The following AGTPBP1 variants were observed in gnomAD, a reference collection of about 807,000 sequenced individuals.
The protein encoded by AGTPBP1 is ATP/GTP binding carboxypeptidase 1.
Under a neutral mutation model 143.9 loss-of-function variants are expected in AGTPBP1, and 70 were observed. The observed-to-expected ratio is 0.49, with a 90% confidence interval of 0.40 to 0.59. The LOEUF (loss-of-function observed/expected upper bound fraction) is 0.59, where lower values mean the gene tolerates loss of function less well. AGTPBP1 is among the 20% of genes least tolerant of loss of function. AGTPBP1 has a pLI of 0.00. For missense variants in AGTPBP1, 1,229 were observed against 1,464.5 expected (o/e 0.84, Z 2.62); for synonymous variants, 463 against 500.2 (o/e 0.93, Z 0.99).
At chr9:85,562,626 G>C (rs1395850366) in intron 25 of AGTPBP1, among the ~76,000 whole-genome samples, 1 of 152,056 alleles carries the variant, frequency 6.6e-6, no homozygotes, top group Non-Finnish European at 1.5e-5. Context: ...TTTCACCAAA[G>C]CAATGGTGTA....
intron 18 of AGTPBP1, among the ~76,000 whole-genome samples, chr9:85,594,196 C>T (rs139878896): frequency 1.9e-3 from 283 of 152,202 alleles, no homozygotes; most frequent in African/African-American, 6.4e-3. Flanking sequence ...ACCAGTGAAA[C>T]ATATATTATT....
intron 24 of AGTPBP1, 55 bp downstream of exon 24, chr9:85,578,865 A>G: frequency 1.3e-6 from 2 of 1,552,322 alleles, no homozygotes; most frequent in Non-Finnish European, 1.8e-6. Flanking sequence ...CAAGATATAT[A>G]TGAAAGGAAA....
intron 12 of AGTPBP1, among the ~76,000 whole-genome samples, chr9:85,644,605 A>G (rs1373256391): frequency 1.3e-5 from 2 of 152,046 alleles, no homozygotes; most frequent in Non-Finnish European, 2.9e-5. Flanking sequence ...ACCACTCCTT[A>G]AAAGTTCTGC....
chr9:85,668,327 C>G (rs954704802), intron 8 of AGTPBP1, among the ~76,000 whole-genome samples: 3 of 151,460 alleles, frequency 2.0e-5, no homozygotes, highest in Non-Finnish European at 4.4e-5. Context: ...AACAACAGAC[C>G]AGATTTTAGA....
At chr9:85,659,670 C>T (rs530480988) in intron 9 of AGTPBP1, among the ~76,000 whole-genome samples, 4 of 152,054 alleles carry the variant, frequency 2.6e-5, no homozygotes, top group Non-Finnish European at 4.4e-5. Context: ...AGAATTTTGG[C>T]TTTTACTAAC....
the AGTPBP1 span, chr9:85,787,822 T>G: frequency 4.6e-5 from 7 of 152,212 alleles, no homozygotes; most frequent in Non-Finnish European, 1.0e-4. Context: ...ACATGGATGC[T>G]TACTCAGAGT....
the AGTPBP1 span, chr9:85,755,936 C>T: frequency 2.4e-5 from 15 of 625,308 alleles, no homozygotes; most frequent in South Asian, 5.8e-5. Flanking sequence ...GGATCTCAGA[C>T]GGCTACCTGA....
chr9:85,695,082 T>C (rs1177734455), intron 2 of AGTPBP1, among the ~76,000 whole-genome samples: 1 of 152,132 alleles, frequency 6.6e-6, no homozygotes, highest in African/African-American at 2.4e-5. Flanking sequence ...TGGTGCCCAA[T>C]AACCCATTTC....
At chr9:85,702,303 T>C (rs1043256692) in intron 2 of AGTPBP1, among the ~76,000 whole-genome samples, 1 of 152,226 alleles carries the variant, frequency 6.6e-6, no homozygotes, top group Non-Finnish European at 1.5e-5. Flanking sequence ...TCTAACCTTT[T>C]ATCTCCAATC....
At chr9:85,625,924 T>TTA (rs1485490313) in intron 14 of AGTPBP1, among the ~76,000 whole-genome samples, 3 of 148,638 alleles carry the variant, frequency 2.0e-5, no homozygotes, top group African/African-American at 7.4e-5. Context: ...TTTTTTTTTT[T>TTA]AGGATATATG....
intron 23 of AGTPBP1, among the ~76,000 whole-genome samples, chr9:85,579,598 T>C (rs886979869): frequency 6.8e-6 from 1 of 147,776 alleles, no homozygotes; most frequent in Non-Finnish European, 1.5e-5. Context: ...TGTGTGTGTG[T>C]GTGGGGCGAG....
At position 85,579,063 on chromosome 9, in the gene AGTPBP1, C is replaced by A; in HGVS notation, c.3199G>T (p.Ala1067Ser). The A allele has an allele frequency of 6.2e-7, 1 of 1,610,486 alleles. No individual in the cohort carries two copies. Residue 1067 changes from alanine (A) to serine (S), a missense_variant, in exon 24 of 26, where the codon GCA becomes TCA. Coordinates refer to ENST00000357081, the MANE Select transcript of AGTPBP1 (RefSeq NM_001330701.2). ...LPKILSHIAPAFCMSSCSFVV... is the reference protein window; with the variant it reads ...LPKILSHIAPSFCMSSCSFVV... Reference sequence around the variant, plus strand: ...AAGCTACAGCTGCTCATGCAAAATGCTGGGGCGATATGGCTCAGTATCTTA... The same window carrying A: ...AAGCTACAGCTGCTCATGCAAAATGATGGGGCGATATGGCTCAGTATCTTA...
intron 1 of AGTPBP1, among the ~76,000 whole-genome samples, chr9:85,740,594 T>C (rs1257398417): frequency 6.6e-6 from 1 of 152,224 alleles, no homozygotes; most frequent in Non-Finnish European, 1.5e-5. Flanking sequence ...ACAATACAAT[T>C]ACAAAAATAA....
chr9:85,610,635 A>G (rs1830258658), intron 17 of AGTPBP1, among the ~76,000 whole-genome samples: 1 of 151,964 alleles, frequency 6.6e-6, no homozygotes, highest in African/African-American at 2.4e-5. Context: ...CCCAACCGGC[A>G]CGCCCCAATC....
Position 85,681,350 on chromosome 9 carries a change from A to T in AGTPBP1, c.158-15T>A. ...CCTTGTTTTTTCTGAAAAGTAGCAA[A>T]CAATTTTTTTCTCAAACATAAATTT... On this transcript the variant is annotated splice_polypyrimidine_tract_variant and intron_variant, in intron 3 of 25. Coordinates refer to ENST00000357081, the MANE Select transcript of AGTPBP1 (RefSeq NM_001330701.2). 2 of 1,607,682 alleles carry T rather than the reference A, an allele frequency of 1.2e-6. No individual in the cohort carries two copies. Among genetic ancestry groups the T allele is most frequent in the Non-Finnish European group, 1.7e-6 (2 of 1,178,132 alleles).
At chr9:85,748,123 C>T in the AGTPBP1 span, among the ~76,000 whole-genome samples, 2 of 152,190 alleles carry the variant, frequency 1.3e-5, no homozygotes, top group Non-Finnish European at 2.9e-5. Flanking sequence ...CACCTGGCTT[C>T]TGGCTCTATC....
intron 25 of AGTPBP1, among the ~76,000 whole-genome samples, chr9:85,549,939 C>T (rs1280455310): frequency 6.6e-6 from 1 of 152,168 alleles, no homozygotes; most frequent in Non-Finnish European, 1.5e-5. Context: ...TCCTCTGATT[C>T]CACTCCTATA....
Position 85,579,613 on chromosome 9 carries a change from G to C in AGTPBP1, c.3166-517C>G, listed in dbSNP as rs568788676. Among the ~76,000 whole-genome samples the C allele has an allele frequency of 4.4e-4, 66 of 150,202 alleles. No individual in the cohort carries two copies. The South Asian group carries it at 0.013, about 29-fold the overall frequency. On this transcript the variant is annotated intron_variant, in intron 23 of 25. Coordinates refer to ENST00000357081, the MANE Select transcript of AGTPBP1 (RefSeq NM_001330701.2). ...TGTGTGTGTGTGTGGGGCGAGGGGG[G>C]GGGTGTAAGGCTATGACTAGAGAAA...
At chr9:85,779,206 GATAT>G in the AGTPBP1 span, among the ~76,000 whole-genome samples, 1,899 of 98,726 alleles carry the variant, frequency 0.019, 48 homozygotes, top group African/African-American at 0.054. Flanking sequence ...TATAGATATA[GATAT>G]AGATATAGAT....
Sources: allele counts gnomAD v4.1 joint callset (sites outside exome capture counted in the v4.1 genomes callset), GRCh38; gene constraint gnomAD v4.1.1; transcripts MANE v1.5; gene names NCBI Gene and HGNC (gene_info 2026-07-23, HGNC 2026-07-21).